The following KIF5A variants were observed in gnomAD, a reference collection of about 807,000 sequenced individuals.
KIF5A encodes kinesin family member 5A, also known as kinesin heavy chain isoform 5A.
Under a neutral mutation model 141.3 loss-of-function variants are expected in KIF5A, and 35 were observed. That is an observed-to-expected ratio of 0.25 (90% CI 0.19 to 0.33). The LOEUF is 0.33. Ranked by LOEUF, KIF5A falls within the 10% of genes least tolerant of loss-of-function variation. KIF5A has a pLI of 1.00. For missense variants in KIF5A, 861 were observed against 1,314.3 expected (o/e 0.66, Z 5.33); for synonymous variants, 448 against 500.2 (o/e 0.90, Z 1.39).
intron 1 of KIF5A, among the ~76,000 whole-genome samples, chr12:57,554,639 G>A (rs531721559): frequency 1.3e-5 from 2 of 152,282 alleles, no homozygotes; most frequent in South Asian, 4.1e-4. Flanking sequence ...AATTTATAAA[G>A]AAAAGAGATA....
intron 5 of KIF5A, 71 bp downstream of exon 5, chr12:57,564,579 G>T (rs1232599802): frequency 8.2e-7 from 1 of 1,215,822 alleles, no homozygotes; most frequent in South Asian, 1.2e-5. Flanking sequence ...ATTGCATTTG[G>T]AATTAGGTAC....
intron 15 of KIF5A, among the ~76,000 whole-genome samples, chr12:57,574,502 G>T (rs1882359776): frequency 6.6e-6 from 1 of 151,502 alleles, no homozygotes; most frequent in Non-Finnish European, 1.5e-5. Flanking sequence ...TCGAACTCCT[G>T]ACCTCGTAGT....
intron 4 of KIF5A, 37 bp from the exon 5 acceptor site, chr12:57,564,423 C>T (rs2140159337): frequency 2.0e-6 from 3 of 1,500,916 alleles, no homozygotes; most frequent in Non-Finnish European, 2.8e-6. Flanking sequence ...TAAGATAGGC[C>T]CTCTTTACTT....
rs1361075146 is a variant in KIF5A at position 57,581,521 on chromosome 12, C to T, written c.2862C>T (p.Tyr954=). The change falls in exon 25 of 29, where the codon TAC becomes TAT. Residue 954 remains tyrosine, a synonymous_variant. Transcript: ENST00000455537. ...ISYTNSLFQN[Y]QNLYLQATPS... is the part of the protein sequence containing the mutation. ...ACACCAACAGCCTCTTCCAGAACTA[C>T]CAGAATCTCTACCTGCAGGCCACAC... The T allele has an allele frequency of 6.2e-7, 1 of 1,614,162 alleles. No homozygotes were observed. Among genetic ancestry groups the T allele is most frequent in the Non-Finnish European group, 8.5e-7 (1 of 1,180,040 alleles).
Position 57,564,147 on chromosome 12 carries a change from C to T in KIF5A, c.331C>T (p.Arg111Ter), listed in dbSNP as rs988759816. The T allele has an allele frequency of 6.2e-7, 1 of 1,614,038 alleles. No homozygotes were observed. The highest frequency in any genetic ancestry group is 8.5e-7 in the Non-Finnish European group (1 of 1,179,942). The change falls in exon 4 of 29, where the codon CGA becomes TGA. Residue 111 changes from arginine to a stop codon, truncating the protein, a stop_gained. Transcript: ENST00000455537. LOFTEE classifies it high-confidence loss of function. ...HDPQLMGIIP[R>*]IARDIFNHIY... Reference sequence around the variant, plus strand: ...CCCTCAGCTGATGGGAATCATTCCTCGAATTGCCCGAGACATCTTCAACCA... The same window carrying T: ...CCCTCAGCTGATGGGAATCATTCCTTGAATTGCCCGAGACATCTTCAACCA...
chr12:57,571,321 G>A lies in KIF5A; in HGVS notation c.1294G>A (p.Asp432Asn). 1 of 1,589,452 alleles carries A rather than the reference G, an allele frequency of 6.3e-7. No homozygotes were observed. The highest frequency in any genetic ancestry group is 1.1e-5 in the South Asian group (1 of 90,524). ...RRLYKQLDDKDDEINQQSQLI... is the reference protein window; with the variant it reads ...RRLYKQLDDKNDEINQQSQLI... The stretch of plus-strand genomic sequence containing the variant: ...TGTCTTTCCCTGTTGCCTCCAACAG[G>A]ATGATGAAATCAACCAACAAAGCCA... The change falls in exon 13 of 29, where the codon GAT becomes AAT. Residue 432 changes from aspartate (D) to asparagine (N), a missense_variant and splice_region_variant. Asp to Asn is a conservative substitution (Grantham distance 23, BLOSUM62 1). Transcript: ENST00000455537.
In KIF5A at chr12:57,581,672, A is replaced by G. The variant is rs182172672; in HGVS notation, c.2909+104A>G. The stretch of plus-strand genomic sequence containing the variant: ...TGGTTGTGGCTTAATTATTTTCCTA[A>G]ACCCTTTCTCAACTTCATGCCTATG... On this transcript the variant is annotated intron_variant, in intron 25 of 28. Coordinates refer to ENST00000455537, the MANE Select transcript of KIF5A (RefSeq NM_004984.4). 43 of 1,409,572 alleles carry G rather than the reference A, an allele frequency of 3.1e-5. No individual in the cohort carries two copies. The African/African-American group carries it at 4.9e-4, about 16-fold the overall frequency. The allele number at this position is 1,409,572 out of a possible 1,614,324, so 87.3% of individuals were successfully genotyped here. A position where few individuals can be genotyped will look rare whatever the true frequency, so the allele number is the denominator to read the frequency against.
intron 1 of KIF5A, among the ~76,000 whole-genome samples, chr12:57,561,436 G>C (rs796320027): frequency 1.6e-4 from 24 of 152,246 alleles, no homozygotes; most frequent in African/African-American, 5.8e-4. Flanking sequence ...TTGTCCTCCA[G>C]AAAGGTTCTA....
chr12:57,580,389 A>ACGGGG (rs1882560317), intron 23 of KIF5A, among the ~76,000 whole-genome samples: 1 of 152,074 alleles, frequency 6.6e-6, no homozygotes, highest in Non-Finnish European at 1.5e-5. Context: ...TTTCCTTCCT[A>ACGGGG]CGGGGCGGGC....
At chr12:57,571,681 T>C (rs1036032275) in intron 13 of KIF5A, among the ~76,000 whole-genome samples, 1 of 152,020 alleles carries the variant, frequency 6.6e-6, no homozygotes, top group Non-Finnish European at 1.5e-5. Context: ...GCAGTCCTCC[T>C]GCCTCAGCCC....
chr12:57,560,605 A>G (rs1462282712), intron 1 of KIF5A, among the ~76,000 whole-genome samples: 1 of 152,244 alleles, frequency 6.6e-6, no homozygotes, highest in Non-Finnish European at 1.5e-5. Flanking sequence ...AATGTTGAAC[A>G]TCTTCATGAT....
chr12:57,561,082 C>G (rs567888206), intron 1 of KIF5A, among the ~76,000 whole-genome samples: 1 of 152,216 alleles, frequency 6.6e-6, no homozygotes. Context: ...CTCTGTCACC[C>G]AGGCTGGAGT....
chr12:57,555,080 T>G (rs1881690409), intron 1 of KIF5A, among the ~76,000 whole-genome samples: 2 of 152,212 alleles, frequency 1.3e-5, no homozygotes, highest in South Asian at 4.1e-4. Flanking sequence ...ATCAAGGTTG[T>G]GATCCATAGC....
chr12:57,581,608 C>T (rs1882604827), intron 25 of KIF5A, 40 bp downstream of exon 25: 1 of 1,608,988 alleles, frequency 6.2e-7, no homozygotes, highest in Non-Finnish European at 8.5e-7. Context: ...CCACCCAAAG[C>T]TCCCTGGACC....
intron 23 of KIF5A, among the ~76,000 whole-genome samples, chr12:57,579,157 T>G (rs530248762): frequency 2.4e-4 from 37 of 152,008 alleles, no homozygotes; most frequent in African/African-American, 7.5e-4. Context: ...TGCCTCTCTG[T>G]CCCCCTCCTT....
At chr12:57,580,390 C>T (rs756221178) in intron 23 of KIF5A, among the ~76,000 whole-genome samples, 1 of 152,160 alleles carries the variant, frequency 6.6e-6, no homozygotes, top group Admixed American at 6.5e-5. Flanking sequence ...TTCCTTCCTA[C>T]GGGGCGGGCT....
chr12:57,563,453 T>G lies in KIF5A; in HGVS notation c.144T>G (p.Val48=). 1 of 1,612,886 alleles carries G rather than the reference T, an allele frequency of 6.2e-7. No individual in the cohort carries two copies. The highest frequency in any genetic ancestry group is 8.5e-7 in the Non-Finnish European group (1 of 1,178,864). ...DSVVIGGKPY[V]FDRVFPPNTT... ...TTTCATTCCAGGGGAAGCCATATGTTTTTGACCGTGTATTCCCCCCAAACA... is the reference window on the plus strand; with the variant it reads ...TTTCATTCCAGGGGAAGCCATATGTGTTTGACCGTGTATTCCCCCCAAACA... The change falls in exon 2 of 29, where the codon GTT becomes GTG. Residue 48 remains valine (V), a synonymous_variant. Transcript: ENST00000455537.
At position 57,569,104 on chromosome 12, in the gene KIF5A, C is replaced by A. The variant is rs1199459207; in HGVS notation, c.819+37C>A. On this transcript the variant is annotated intron_variant, in intron 9 of 28. Transcript: ENST00000455537. ...TTAGGTCCCCTCACCCCTCAAGCCACACCCCATCTCCTCCCCCACCTGCTA... is the reference window on the plus strand; with the variant it reads ...TTAGGTCCCCTCACCCCTCAAGCCAAACCCCATCTCCTCCCCCACCTGCTA... 12 of 1,570,776 alleles carry A rather than the reference C, an allele frequency of 7.6e-6. No homozygotes were observed. In the Admixed American group the frequency reaches 2.0e-4, roughly 26 times the overall value.
intron 27 of KIF5A, 57 bp from the exon 28 acceptor site, chr12:57,583,041 CATG>C: frequency 7.4e-7 from 1 of 1,359,046 alleles, no homozygotes. Context: ...GCAGAGTAAC[CATG>C]ATGACAGGAA....
Sources: allele counts gnomAD v4.1 joint callset (sites outside exome capture counted in the v4.1 genomes callset), GRCh38; gene constraint gnomAD v4.1.1; transcripts MANE v1.5; gene names NCBI Gene and HGNC (gene_info 2026-07-23, HGNC 2026-07-21).